Variants in UBR2 observed in about 807,000 individuals in gnomAD.
The protein encoded by UBR2 is E3 ubiquitin-protein ligase UBR2.
A neutral mutation model predicts 247.9 loss-of-function variants in UBR2; 92 were observed. The observed-to-expected ratio is 0.37, with a 90% confidence interval of 0.31 to 0.44. The LOEUF is 0.44. Among genes scored for constraint, UBR2 ranks in the 20% least tolerant of loss-of-function variants. UBR2 has a pLI of 1.00. For synonymous variants in UBR2, 672 were observed against 693.5 expected, an observed-to-expected ratio of 0.97 and a Z score of 0.49; for missense variants, 1,613 against 2,112.6, an observed-to-expected ratio of 0.76 and a Z score of 4.64.
At position 42,692,587 on chromosome 6, in the gene UBR2, G is replaced by C. The variant is rs1799802259; in HGVS notation, c.*1414G>C. 6.6e-6 allele frequency: 1 copy of C among 152,184 alleles called. No homozygotes were observed. The highest frequency in any genetic ancestry group is 2.1e-4 in the South Asian group (1 of 4,824). 9.4% of individuals were successfully genotyped at this position (152,184 alleles called of 1,614,324 possible). The stretch of plus-strand genomic sequence containing the variant: ...GGGCTAAGGAACAGATGAGTAATAA[G>C]AGGCTCTTGGATTTTTTTAACCAAT... On this transcript the variant is annotated 3_prime_UTR_variant, in exon 47 of 47. Transcript: ENST00000372901.
At chr6:42,614,320 A>G (rs9800742) in intron 8 of UBR2, among the ~76,000 whole-genome samples, 30,986 of 80,774 alleles carry the variant, frequency 0.38, 3,764 homozygotes, top group Admixed American at 0.43. Flanking sequence ...ATGGGTATGT[A>G]TATATGTGTA....
intron 11 of UBR2, among the ~76,000 whole-genome samples, chr6:42,632,077 T>A (rs1449381510): frequency 2.1e-5 from 3 of 143,966 alleles, no homozygotes; most frequent in African/African-American, 7.6e-5. Context: ...AAAATATATA[T>A]ATATATATAT....
Position 42,665,415 on chromosome 6 carries a change from A to G in UBR2, c.3705A>G (p.Leu1235=), listed in dbSNP as rs1211709189. 1 of 1,610,270 alleles carries G rather than the reference A, an allele frequency of 6.2e-7. No individual in the cohort carries two copies. The highest frequency in any genetic ancestry group is 8.5e-7 in the Non-Finnish European group (1 of 1,177,448). ...TCTCTATAATCTTTTCTAGCAGGTT[A>G]AATTTTTCAGACCAACCAAATCTGA... is the stretch of plus-strand genomic sequence containing the variant. ...LPPRNIFNNR[L]NFSDQPNLTQ... Residue 1235 remains leucine (L), a synonymous_variant, in exon 33 of 47, where the codon TTA becomes TTG. Coordinates refer to ENST00000372901, the MANE Select transcript of UBR2 (RefSeq NM_001363705.2).
intron 8 of UBR2, among the ~76,000 whole-genome samples, chr6:42,612,940 A>C (rs987556226): frequency 1.3e-5 from 2 of 152,172 alleles, no homozygotes; most frequent in Non-Finnish European, 2.9e-5. Context: ...ATCTCTACTA[A>C]AAATACAAAA....
At position 42,655,685 on chromosome 6, in the gene UBR2, A is replaced by C; in HGVS notation, c.2834A>C (p.Glu945Ala). The C allele has an allele frequency of 6.4e-7, 1 of 1,556,956 alleles. No homozygotes were observed. The change falls in exon 26 of 47, where the codon GAG (glutamate) becomes GCG (alanine). Residue 945 changes from glutamate (E) to alanine (A), a missense_variant. This residue lies in a region of UBR2 where 1,524 missense variants were observed against 1,967.3 expected (regional missense o/e 0.77). Coordinates refer to ENST00000372901, the MANE Select transcript of UBR2 (RefSeq NM_001363705.2). ...CAACATTTAGAGAATGTCACGGAAG[A>C]GCATGTAGTAACATTTACCTTCACT... ...EKQHLENVTE[E>A]HVVTFTFTQK...
At chr6:42,582,026 G>A (rs968596531) in intron 2 of UBR2, among the ~76,000 whole-genome samples, 3 of 152,150 alleles carry the variant, frequency 2.0e-5, no homozygotes, top group African/African-American at 7.2e-5. Context: ...GCTCACACCT[G>A]TAATCCCAGC....
chr6:42,607,768 C>T (rs1161527302), intron 7 of UBR2, among the ~76,000 whole-genome samples: 1 of 149,138 alleles, frequency 6.7e-6, no homozygotes, highest in Non-Finnish European at 1.5e-5. Context: ...TATCCTTTCT[C>T]CTTCCCTAGC....
chr6:42,602,668 AAT>A (rs1187103954), intron 4 of UBR2, among the ~76,000 whole-genome samples: 1 of 147,808 alleles, frequency 6.8e-6, no homozygotes, highest in African/African-American at 2.5e-5. Context: ...TATTTTATAA[AAT>A]ATATACTTTA....
At chr6:42,620,478 G>GTTTTTTTT (rs1358769362) in intron 11 of UBR2, 2 of 100,986 alleles carry the variant, frequency 2.0e-5, no homozygotes, top group African/African-American at 8.3e-5. Context: ...AATATTAAGT[G>GTTTTTTTT]TTGTTTTTTT....
chr6:42,645,687 TTGTAAAATC>T lies in UBR2; in HGVS notation c.2409+99_2409+107del, dbSNP rs796784250. ...TTACTTCTGTATACCTTTCTCACAA[TTGTAAAATC>T]TATTGTCATGGGATGTGTATAATTC... On this transcript the variant is annotated intron_variant, in intron 21 of 46. Coordinates refer to ENST00000372901, the MANE Select transcript of UBR2 (RefSeq NM_001363705.2). The T allele has an allele frequency of 8.4e-5, 109 of 1,295,318 alleles. No homozygotes were observed. In the South Asian group the frequency reaches 1.3e-3, roughly 16 times the overall value. 80.2% of individuals were successfully genotyped at this position (1,295,318 alleles called of 1,614,324 possible). A position where few individuals can be genotyped will look rare whatever the true frequency, so the allele number is the denominator to read the frequency against.
intron 11 of UBR2, 131 bp from the exon 12 acceptor site, chr6:42,632,421 G>T: frequency 1.4e-6 from 1 of 710,632 alleles, no homozygotes. Flanking sequence ...ACACAGTAAT[G>T]CATTTATGAT....
At chr6:42,687,915 C>T (rs1288797565) in intron 44 of UBR2, among the ~76,000 whole-genome samples, 1 of 152,158 alleles carries the variant, frequency 6.6e-6, no homozygotes, top group East Asian at 1.9e-4. Flanking sequence ...TTTTTCATTG[C>T]TCCATAGTAT....
intron 13 of UBR2, 55 bp downstream of exon 13, chr6:42,632,959 T>TCA: frequency 2.2e-6 from 1 of 445,156 alleles, no homozygotes; most frequent in Non-Finnish European, 3.1e-6. Flanking sequence ...CTCTTTTCTC[T>TCA]TTTTTTTTTT....
At chr6:42,637,794 T>C (rs16895871) in intron 15 of UBR2, among the ~76,000 whole-genome samples, 3,604 of 152,342 alleles carry the variant, frequency 0.024, 126 homozygotes, top group African/African-American at 0.081. Context: ...TGCCATCTTA[T>C]GTGGCCAAAG....
At chr6:42,646,637 A>G (rs1796768810) in intron 21 of UBR2, among the ~76,000 whole-genome samples, 1 of 152,150 alleles carries the variant, frequency 6.6e-6, no homozygotes, top group South Asian at 2.1e-4. Flanking sequence ...GGTAGAGGCC[A>G]GGGATACTGC....
chr6:42,606,013 G>A (rs1466241554), intron 6 of UBR2, among the ~76,000 whole-genome samples, 154 bp downstream of exon 6: 1 of 152,122 alleles, frequency 6.6e-6, no homozygotes, highest in Non-Finnish European at 1.5e-5. Flanking sequence ...GGGAGGCCAA[G>A]GCAGGCAGAT....
chr6:42,640,026 C>CA (rs1796330135), intron 15 of UBR2, among the ~76,000 whole-genome samples, 183 bp from the exon 16 acceptor site: 4 of 151,940 alleles, frequency 2.6e-5, no homozygotes, highest in Middle Eastern at 3.4e-3. Flanking sequence ...GACTCCGTCT[C>CA]AAAAAATTAA....
chr6:42,596,319 C>G (rs1430674952), intron 4 of UBR2, among the ~76,000 whole-genome samples: 1 of 151,454 alleles, frequency 6.6e-6, no homozygotes, highest in Non-Finnish European at 1.5e-5. Flanking sequence ...CTGCTTCACC[C>G]TCAGTAAGAT....
chr6:42,684,160 A>G (rs77818852), intron 43 of UBR2, among the ~76,000 whole-genome samples: 1,989 of 152,324 alleles, frequency 0.013, 46 homozygotes, highest in African/African-American at 0.044. Flanking sequence ...ATACATCAGA[A>G]TAACCTTGGG....
Sources: allele counts gnomAD v4.1 joint callset (sites outside exome capture counted in the v4.1 genomes callset), GRCh38; gene constraint gnomAD v4.1.1; regional missense constraint gnomAD v4.1.1; transcripts MANE v1.5; gene names NCBI Gene and HGNC (gene_info 2026-07-23, HGNC 2026-07-21).